STX3: variants seen among roughly 807,000 people sequenced by gnomAD.
STX3 encodes syntaxin 3, also known as syntaxin-3.
In STX3, 19 loss-of-function variants were observed where a neutral mutation model predicts 40.2. The ratio of observed to expected loss-of-function variants is 0.47; its 90% confidence interval spans 0.33 to 0.69. The LOEUF (loss-of-function observed/expected upper bound fraction) is 0.69. Ranked by LOEUF, STX3 falls within the 30% of genes least tolerant of loss-of-function variation. The probability of loss-of-function intolerance (pLI) is 0.02; values close to 1 mark genes in which losing one functional copy is unlikely to be tolerated. For synonymous variants in STX3, 122 were observed against 132.2 expected, an observed-to-expected ratio of 0.92 and a Z score of 0.53; for missense variants, 364 against 366.7, an observed-to-expected ratio of 0.99 and a Z score of 0.06.
Position 59,755,585 on chromosome 11 carries a change from T to C in STX3, c.-21T>C, listed in dbSNP as rs1862662208. Reference sequence around the variant, plus strand: ...GCTCACCTGGGACGCGCTACCTGCCTCCGGGCGCCTGGGCTTCAGGATGAA... The same window carrying C: ...GCTCACCTGGGACGCGCTACCTGCCCCCGGGCGCCTGGGCTTCAGGATGAA... On this transcript the variant is annotated 5_prime_UTR_variant, in exon 1 of 11. Transcript: ENST00000337979. 1 of 1,593,182 alleles carries C rather than the reference T, an allele frequency of 6.3e-7. No individual in the cohort carries two copies. Among genetic ancestry groups the C allele is most frequent in the Non-Finnish European group, 8.5e-7 (1 of 1,176,486 alleles).
At chr11:59,789,983 C>G (rs1012053368) in intron 4 of STX3, among the ~76,000 whole-genome samples, 1 of 152,170 alleles carries the variant, frequency 6.6e-6, no homozygotes, top group African/African-American at 2.4e-5. Flanking sequence ...TGCATGCATG[C>G]TATTGATCAG....
At chr11:59,781,100 T>TATA (rs1554999890) in intron 2 of STX3, among the ~76,000 whole-genome samples, 1 of 146,308 alleles carries the variant, frequency 6.8e-6, no homozygotes, top group African/African-American at 2.6e-5. Flanking sequence ...TTTTTTTTTT[T>TATA]TATATTAGCA....
At chr11:59,763,173 C>CT (rs1234316967) in intron 1 of STX3, among the ~76,000 whole-genome samples, 13 of 152,150 alleles carry the variant, frequency 8.5e-5, no homozygotes. Flanking sequence ...AACATTGTGG[C>CT]TGTGCTGATG....
rs1862659645 is a variant in STX3 at position 59,755,549 on chromosome 11, AC to A, written c.-55del. 2.5e-6 allele frequency: 4 copies of A among 1,572,446 alleles called. No homozygotes were observed. Among genetic ancestry groups the A allele is most frequent in the Non-Finnish European group, 3.4e-6 (4 of 1,165,760 alleles). ...CCGGCAGCTCACCTGGGAAGCGCTC[AC>A]CTGGGACGCGCTCACCTGGGACGCG... On this transcript the variant is annotated 5_prime_UTR_variant, in exon 1 of 11. Coordinates refer to ENST00000337979, the MANE Select transcript of STX3 (RefSeq NM_004177.5).
intron 1 of STX3, among the ~76,000 whole-genome samples, chr11:59,772,003 A>G (rs926106565): frequency 1.3e-5 from 2 of 152,214 alleles, no homozygotes; most frequent in African/African-American, 4.8e-5. Flanking sequence ...GACTGTCCAC[A>G]TGGCTGGAGA....
intron 2 of STX3, among the ~76,000 whole-genome samples, chr11:59,783,795 G>T (rs573353067): frequency 6.6e-6 from 1 of 152,302 alleles, no homozygotes; most frequent in South Asian, 2.1e-4. Context: ...TTCAAAAAAA[G>T]AAAGCTCTAT....
chr11:59,797,889 C>T (rs1865614941), intron 10 of STX3, among the ~76,000 whole-genome samples: 1 of 152,222 alleles, frequency 6.6e-6, no homozygotes, highest in African/African-American at 2.4e-5. Context: ...TGATAGTTAA[C>T]ACACTTTTGA....
chr11:59,782,567 C>T (rs1363247878), intron 2 of STX3, among the ~76,000 whole-genome samples: 2 of 152,152 alleles, frequency 1.3e-5, no homozygotes, highest in Non-Finnish European at 2.9e-5. Flanking sequence ...TGCTTAGGGA[C>T]ACTTACAGGG....
chr11:59,769,879 G>A (rs1332384864), intron 1 of STX3, among the ~76,000 whole-genome samples: 1 of 151,388 alleles, frequency 6.6e-6, no homozygotes, highest in Admixed American at 6.6e-5. Context: ...GGGGGGGAAG[G>A]TGTGTGGGTG....
rs1866034901 is a variant in STX3, at chr11:59,805,181, A to C, written c.*4357A>C. ...AACAAGAGCTAAATTCCATCTAAAAAAAAAAAAAAAACAAAAAAAAAAAAC... is the reference window on the plus strand; with the variant it reads ...AACAAGAGCTAAATTCCATCTAAAACAAAAAAAAAAACAAAAAAAAAAAAC... On this transcript the variant is annotated 3_prime_UTR_variant, in exon 11 of 11. Transcript: ENST00000337979. 1 of 149,546 alleles carries C rather than the reference A, an allele frequency of 6.7e-6. No individual in the cohort carries two copies. Among genetic ancestry groups the C allele is most frequent in the East Asian group, 1.9e-4 (1 of 5,140 alleles). 9.3% of individuals were successfully genotyped at this position (149,546 alleles called of 1,614,324 possible).
Position 59,801,642 on chromosome 11 carries a change from C to T in STX3, c.*818C>T. 2 of 985,572 alleles carry T rather than the reference C, an allele frequency of 2.0e-6. No homozygotes were observed. Among genetic ancestry groups the T allele is most frequent in the Non-Finnish European group, 2.4e-6 (2 of 829,934 alleles). The allele number at this position is 985,572 out of a possible 1,614,324, so 61.1% of individuals were successfully genotyped here. ...CTATTGTCTTGGGGCCAAAAATAAT[C>T]AGGGATTTTAAATTGGGCAAGGGAC... On this transcript the variant is annotated 3_prime_UTR_variant, in exon 11 of 11. Transcript: ENST00000337979.
intron 1 of STX3, among the ~76,000 whole-genome samples, chr11:59,765,817 A>G (rs1863254531): frequency 6.6e-6 from 1 of 152,142 alleles, no homozygotes; most frequent in African/African-American, 2.4e-5. Context: ...CAAACAAACA[A>G]ACAAACAAAA....
intron 1 of STX3, among the ~76,000 whole-genome samples, chr11:59,763,507 G>A (rs142556145): frequency 1.3e-5 from 2 of 152,198 alleles, no homozygotes; most frequent in East Asian, 3.9e-4. Context: ...TTTGAAATAC[G>A]CATAGAAGAT....
At chr11:59,760,389 G>A (rs918457925) in intron 1 of STX3, among the ~76,000 whole-genome samples, 2 of 149,916 alleles carry the variant, frequency 1.3e-5, no homozygotes, top group Non-Finnish European at 3.0e-5. Flanking sequence ...CGGGGTGCAT[G>A]TTGCTTTGCA....
chr11:59,795,431 G>A lies in STX3; in HGVS notation c.735G>A (p.Lys245=). 1 of 1,613,684 alleles carries A rather than the reference G, an allele frequency of 6.2e-7. No individual in the cohort carries two copies. Among genetic ancestry groups the A allele is most frequent in the Non-Finnish European group, 8.5e-7 (1 of 1,179,892 alleles). The change falls in exon 9 of 11, where the codon AAG becomes AAA. Residue 245 remains lysine (K), a synonymous_variant. Transcript: ENST00000337979. ...TGCACACAGTGGACCACGTGGAGAAGGCACGAGATGAAACGAAAAAAGCTG... is the reference window on the plus strand; with the variant it reads ...TGCACACAGTGGACCACGTGGAGAAAGCACGAGATGAAACGAAAAAAGCTG... The part of the protein sequence containing the change: ...NVMHTVDHVE[K]ARDETKKAVK...
intron 2 of STX3, among the ~76,000 whole-genome samples, chr11:59,777,535 G>T (rs186103984): frequency 1.7e-4 from 26 of 152,352 alleles, no homozygotes; most frequent in African/African-American, 5.3e-4. Context: ...CTGAATCTGT[G>T]ATCCTGAGCA....
In STX3 at chr11:59,780,416, C is replaced by G. The variant is rs143971124; in HGVS notation, c.115-6621C>G. Among the ~76,000 whole-genome samples, 645 of 152,286 alleles carry G rather than the reference C, an allele frequency of 4.2e-3. 6 individuals carry two copies. The highest frequency in any genetic ancestry group is 0.015 in the African/African-American group (619 of 41,558). The stretch of plus-strand genomic sequence containing the variant: ...GATTTGCCAGTGGACTTCCTAGCCT[C>G]CAGTACTGTGAGAAATATATCCTGT... On this transcript the variant is annotated intron_variant, in intron 2 of 10. Transcript: ENST00000337979.
intron 1 of STX3, among the ~76,000 whole-genome samples, chr11:59,756,175 C>G (rs1355360400): frequency 1.3e-5 from 2 of 152,136 alleles, no homozygotes; most frequent in Non-Finnish European, 2.9e-5. Flanking sequence ...CCCCCCCTCC[C>G]CCGCCGTATC....
intron 2 of STX3, among the ~76,000 whole-genome samples, chr11:59,773,868 G>GCATTTCGTAGCAGTGTAAC (rs1863796557): frequency 6.6e-6 from 1 of 151,852 alleles, no homozygotes; most frequent in African/African-American, 2.4e-5. Context: ...TACTTGGGAG[G>GCATTTCGTAGCAGTGTAAC]CTGAGGCAAA....
Sources: allele counts gnomAD v4.1 joint callset (sites outside exome capture counted in the v4.1 genomes callset), GRCh38; gene constraint gnomAD v4.1.1; transcripts MANE v1.5; gene names NCBI Gene and HGNC (gene_info 2026-07-23, HGNC 2026-07-21).